SPIRE1: variants seen among roughly 807,000 people sequenced by gnomAD.
SPIRE1 encodes protein spire homolog 1.
A neutral mutation model predicts 94.1 loss-of-function variants in SPIRE1; 40 were observed. The observed-to-expected ratio is 0.43, with a 90% confidence interval of 0.33 to 0.55. The LOEUF (loss-of-function observed/expected upper bound fraction) is 0.55. Among genes scored for constraint, SPIRE1 ranks in the 20% least tolerant of loss-of-function variants. The pLI is 0.06. For missense variants in SPIRE1, 838 were observed against 975.2 expected (o/e 0.86, Z 1.87); for synonymous variants, 376 against 371.7 (o/e 1.01, Z -0.13).
chr18:12,467,017 C>T (rs1402901018), intron 10 of SPIRE1, among the ~76,000 whole-genome samples: 4 of 152,302 alleles, frequency 2.6e-5, no homozygotes, highest in East Asian at 1.9e-4. Flanking sequence ...AGGTGGCTCA[C>T]GCCTGTAATC....
intron 4 of SPIRE1, among the ~76,000 whole-genome samples, chr18:12,523,051 T>A (rs990267505): frequency 2.6e-5 from 4 of 152,174 alleles, no homozygotes; most frequent in African/African-American, 9.6e-5. Context: ...GAAAACCTTC[T>A]GGAAAGGATT....
At chr18:12,638,147 T>C (rs1282071309) in intron 1 of SPIRE1, among the ~76,000 whole-genome samples, 1 of 152,300 alleles carries the variant, frequency 6.6e-6, no homozygotes, top group Admixed American at 6.5e-5. Flanking sequence ...CCATTCATTT[T>C]ATACATGAGT....
chr18:12,522,256 T>C (rs1276550595), intron 4 of SPIRE1, among the ~76,000 whole-genome samples: 1 of 152,226 alleles, frequency 6.6e-6, no homozygotes, highest in Non-Finnish European at 1.5e-5. Flanking sequence ...AAAGTTTTAG[T>C]GGTCTGGATA....
intron 4 of SPIRE1, among the ~76,000 whole-genome samples, chr18:12,524,155 A>G (rs753357697): frequency 1.3e-5 from 2 of 152,220 alleles, no homozygotes; most frequent in African/African-American, 2.4e-5. Flanking sequence ...TATGTATTGG[A>G]TTATATTGTG....
chr18:12,497,790 C>T (rs145381342), intron 6 of SPIRE1, among the ~76,000 whole-genome samples: 142 of 152,312 alleles, frequency 9.3e-4, no homozygotes, highest in African/African-American at 3.3e-3. Context: ...TTCTATTACT[C>T]ACTAGTCTAC....
At chr18:12,583,102 TA>T (rs2036300307) in intron 2 of SPIRE1, among the ~76,000 whole-genome samples, 1 of 152,078 alleles carries the variant, frequency 6.6e-6, no homozygotes, top group Admixed American at 6.6e-5. Flanking sequence ...GGGGCAAAAA[TA>T]TTGGATGAAA....
Position 12,506,462 on chromosome 18 carries a change from A to G in SPIRE1, c.972+15T>C. The G allele has an allele frequency of 6.2e-7, 1 of 1,613,058 alleles. No individual in the cohort carries two copies. On this transcript the variant is annotated intron_variant, in intron 6 of 16. Coordinates refer to ENST00000409402, the MANE Select transcript of SPIRE1 (RefSeq NM_001128626.2). Reference sequence around the variant, plus strand: ...GAGTGAGCCACATGCCCGGCCTGACAGCTTGGTTACTTACCATCACTTTTC... The same window carrying G: ...GAGTGAGCCACATGCCCGGCCTGACGGCTTGGTTACTTACCATCACTTTTC...
chr18:12,538,566 G>A (rs760672054), intron 3 of SPIRE1, among the ~76,000 whole-genome samples: 18 of 152,090 alleles, frequency 1.2e-4, no homozygotes, highest in Non-Finnish European at 2.4e-4. Flanking sequence ...CTATAGGCTG[G>A]TAACTCCTCA....
In SPIRE1 at chr18:12,463,417, A is replaced by G. The variant is rs1318650194; in HGVS notation, c.1572T>C (p.Ile524=). ...TCACGTTAGTAGGCGTTTCCTTTTC[A>G]ATGGAATGTCGTCTCTGGGGTGGCT... ...RRQPPQRRHS[I]EKETPTNVRQ... Residue 524 remains isoleucine, a synonymous_variant, in exon 12 of 17, where the codon ATT becomes ATC. Coordinates refer to ENST00000409402, the MANE Select transcript of SPIRE1 (RefSeq NM_001128626.2). The G allele has an allele frequency of 6.8e-6, 11 of 1,613,992 alleles. No homozygotes were observed. The highest frequency in any genetic ancestry group is 9.3e-6 in the Non-Finnish European group (11 of 1,179,956).
upstream of SPIRE1, among the ~76,000 whole-genome samples, chr18:12,660,157 T>C (rs1331491736): frequency 6.6e-6 from 1 of 152,124 alleles, no homozygotes; most frequent in African/African-American, 2.4e-5. Context: ...AACTGAGGAA[T>C]CTATGAGCCA....
intron 2 of SPIRE1, among the ~76,000 whole-genome samples, chr18:12,617,153 C>T (rs1238339645): frequency 8.4e-5 from 9 of 107,620 alleles, no homozygotes; most frequent in Admixed American, 2.1e-4. Flanking sequence ...AGCAACCATG[C>T]TCACTATTTT....
chr18:12,541,158 C>A (rs1182617349), intron 3 of SPIRE1, among the ~76,000 whole-genome samples: 2 of 152,172 alleles, frequency 1.3e-5, no homozygotes, highest in Non-Finnish European at 2.9e-5. Flanking sequence ...ATAATAAAAT[C>A]TTTTTGTTAT....
chr18:12,564,262 A>C (rs2035759931), intron 2 of SPIRE1, among the ~76,000 whole-genome samples: 1 of 152,196 alleles, frequency 6.6e-6, no homozygotes, highest in Non-Finnish European at 1.5e-5. Context: ...CCAGTGGGCA[A>C]AGAAAGTTGG....
chr18:12,460,951 C>A lies in SPIRE1; in HGVS notation c.1638+2400G>T, dbSNP rs920532278. On this transcript the variant is annotated intron_variant, in intron 12 of 16. Coordinates refer to ENST00000409402, the MANE Select transcript of SPIRE1 (RefSeq NM_001128626.2). ...GTCTCTGCTGGTGCTTGGAGGCCTG[C>A]GTGGACTCTGCTCCCTGCCCTCAAT... Among the ~76,000 whole-genome samples, 3 of 152,146 alleles carry A rather than the reference C, an allele frequency of 2.0e-5. No homozygotes were observed. In the South Asian group the frequency reaches 6.2e-4, roughly 32 times the overall value.
chr18:12,654,544 G>A (rs1280120726), intron 1 of SPIRE1, among the ~76,000 whole-genome samples: 2 of 151,686 alleles, frequency 1.3e-5, no homozygotes, highest in Admixed American at 1.3e-4. Flanking sequence ...CTACTCGGGA[G>A]GCTGAGGTAG....
At chr18:12,584,383 T>C (rs1246420112) in intron 2 of SPIRE1, among the ~76,000 whole-genome samples, 1 of 151,142 alleles carries the variant, frequency 6.6e-6, no homozygotes, top group East Asian at 1.9e-4. Context: ...TGAGCAGAGA[T>C]AGTACCACTG....
intron 10 of SPIRE1, among the ~76,000 whole-genome samples, chr18:12,472,621 A>G (rs1228117206): frequency 1.3e-5 from 2 of 150,744 alleles, no homozygotes; most frequent in East Asian, 2.0e-4. Context: ...CGCCTGCCTC[A>G]GCCTCTCAAA....
In SPIRE1 at chr18:12,464,917, A is replaced by C; in HGVS notation, c.1446T>G (p.Ser482=). 1 of 1,613,994 alleles carries C rather than the reference A, an allele frequency of 6.2e-7. No individual in the cohort carries two copies. ...LHKSTSSSSV[S]PSFPEEPVLE... is the part of the protein sequence containing the mutation. ...GGACTGGCTCTTCAGGGAAAGAGGG[A>C]GACACGCTGCTGCTGCTGGTCGACT... Residue 482 remains serine (S), a synonymous_variant, in exon 11 of 17, where the codon TCT becomes TCG. Transcript: ENST00000409402.
intron 10 of SPIRE1, among the ~76,000 whole-genome samples, chr18:12,469,086 C>G (rs2032239500): frequency 6.6e-6 from 1 of 152,086 alleles, no homozygotes; most frequent in Non-Finnish European, 1.5e-5. Flanking sequence ...CTAAGAAAGT[C>G]TTTCCTGAAT....
Sources: allele counts gnomAD v4.1 joint callset (sites outside exome capture counted in the v4.1 genomes callset), GRCh38; gene constraint gnomAD v4.1.1; transcripts MANE v1.5; gene names NCBI Gene and HGNC (gene_info 2026-07-23, HGNC 2026-07-21).